The following MITD1 variants were observed in gnomAD, a reference collection of about 807,000 sequenced individuals.
MITD1 encodes MIT domain-containing protein 1.
A neutral mutation model predicts 34.9 loss-of-function variants in MITD1; 24 were observed. The ratio of observed to expected loss-of-function variants is 0.69; its 90% CI spans 0.50 to 0.97. The LOEUF (loss-of-function observed/expected upper bound fraction) is 0.97, where lower values mean the gene tolerates loss of function less well. MITD1 is among the 50% of genes least tolerant of loss of function. The pLI is 0.00. For synonymous variants in MITD1, 102 were observed against 101.4 expected, an observed-to-expected ratio of 1.01 and a Z score of -0.04; for missense variants, 266 against 294.6, an observed-to-expected ratio of 0.90 and a Z score of 0.71.
At position 99,162,045 on chromosome 2, in the gene MITD1, A is replaced by G. The variant is rs1408159711; in HGVS notation, c.*177T>C. 3 of 1,614,204 alleles carry G rather than the reference A, an allele frequency of 1.9e-6. No homozygotes were observed. The East Asian group carries it at 6.7e-5, about 36-fold the overall frequency. ...AGCTGGCTTTAAAAAAACAGTAAAA[A>G]ATGGGCTCATTTTACAGTCAATTTC... On this transcript the variant is annotated 3_prime_UTR_variant, in exon 8 of 8. Coordinates refer to the MITD1 transcript ENST00000422537.
At chr2:99,175,453 T>C (rs2093881758) in intron 1 of MITD1, among the ~76,000 whole-genome samples, 1 of 152,234 alleles carries the variant, frequency 6.6e-6, no homozygotes, top group Non-Finnish European at 1.5e-5. Context: ...GGTTTATGCA[T>C]TTTTGGCAAG....
Position 99,176,045 on chromosome 2 carries a change from A to C in MITD1, c.152-2029T>G, listed in dbSNP as rs2093884920. 3.3e-5 allele frequency among the ~76,000 whole-genome samples: 5 copies of C among 152,140 alleles called. No individual in the cohort carries two copies. The South Asian group carries it at 1.0e-3, about 32-fold the overall frequency. The stretch of plus-strand genomic sequence containing the variant: ...AACCTCTGCCTCCCAGGCACAAGGA[A>C]TCCTCCCACCTCAGCCTCCCAAGTA... On this transcript the variant is annotated intron_variant, in intron 1 of 6. Coordinates refer to ENST00000289359, the MANE Select transcript of MITD1 (RefSeq NM_138798.3).
In MITD1 at chr2:99,173,952, C is replaced by G. The variant is rs543402604; in HGVS notation, c.216G>C (p.Ala72=). 1.2e-6 allele frequency: 2 copies of G among 1,609,804 alleles called. No individual in the cohort carries two copies. Among genetic ancestry groups the G allele is most frequent in the Non-Finnish European group, 8.5e-7 (1 of 1,176,676 alleles). ...REKISKYMDR[A]ENIKKYLDQE... Reference sequence around the variant, plus strand: ...GGTCCAAGTACTTCTTTATGTTTTCCGCTCTGTCCATGTATTTGGAAATTT... The same window carrying G: ...GGTCCAAGTACTTCTTTATGTTTTCGGCTCTGTCCATGTATTTGGAAATTT... Residue 72 remains alanine, a synonymous_variant, in exon 2 of 7, where the codon GCG becomes GCC. Transcript: ENST00000289359.
intron 7 of MITD1, chr2:99,162,271 C>T: frequency 6.2e-7 from 1 of 1,612,740 alleles, no homozygotes; most frequent in African/African-American, 1.3e-5. Context: ...GGAGGAGGAA[C>T]AGTCTACCAT....
intron 7 of MITD1, chr2:99,163,005 A>C: frequency 6.2e-7 from 1 of 1,611,174 alleles, no homozygotes; most frequent in Non-Finnish European, 8.5e-7. Context: ...TATATTACTT[A>C]GAACATGTCC....
At chr2:99,164,312 C>T (rs1172395101), downstream of MITD1, among the ~76,000 whole-genome samples, 1 of 151,660 alleles carries the variant, frequency 6.6e-6, no homozygotes, top group East Asian at 1.9e-4. Context: ...TGGCCCCCCT[C>T]CTCCCCTCTC....
chr2:99,173,962 A>G lies in MITD1; in HGVS notation c.206T>C (p.Met69Thr), dbSNP rs780660798. Reference protein sequence around the residue: ...CNLREKISKYMDRAENIKKYL... With the variant: ...CNLREKISKYTDRAENIKKYL... ...CTTCTTTATGTTTTCCGCTCTGTCC[A>G]TGTATTTGGAAATTTTTTCTCTGAG... The change falls in exon 2 of 7, where the codon ATG becomes ACG. Residue 69 changes from methionine (M) to threonine (T), a missense_variant. Physicochemically the swap from Met to Thr is moderately conservative, Grantham distance 81. Coordinates refer to ENST00000289359, the MANE Select transcript of MITD1 (RefSeq NM_138798.3). 5.0e-6 allele frequency: 8 copies of G among 1,608,848 alleles called. No homozygotes were observed. Among genetic ancestry groups the G allele is most frequent in the Non-Finnish European group, 6.8e-6 (8 of 1,176,402 alleles).
exon 8 of MITD1, chr2:99,161,987 C>T: frequency 6.2e-7 from 1 of 1,606,406 alleles, no homozygotes; most frequent in Non-Finnish European, 8.5e-7. Flanking sequence ...TGAAGAATTG[C>T]TTCCAGTTAC....
At position 99,169,570 on chromosome 2, in the gene MITD1, C is replaced by A. The variant is rs761831004; in HGVS notation, c.634G>T (p.Asp212Tyr). ...CCTACCTGTGGTTTCTTAAAATAAT[C>A]AAGTCCCCTTCCAATCTTAATCATC... ...GWMIKIGRGL[D>Y]YFKKPQSRFS... Residue 212 changes from aspartate (D) to tyrosine (Y), a missense_variant, in exon 6 of 7, where the codon GAT becomes TAT. Transcript: ENST00000289359. The A allele has an allele frequency of 6.2e-7, 1 of 1,609,786 alleles. No individual in the cohort carries two copies. The highest frequency in any genetic ancestry group is 1.1e-5 in the South Asian group (1 of 90,978).
chr2:99,173,683 AG>A, intron 2 of MITD1: 1 of 554,140 alleles, frequency 1.8e-6, no homozygotes, highest in Non-Finnish European at 3.2e-6. Flanking sequence ...AGATGTTCAA[AG>A]GGGTGTCTGA....
chr2:99,169,338 C>G lies in MITD1; in HGVS notation c.*37G>C, dbSNP rs149838610. 1.6e-3 allele frequency: 1,652 copies of G among 1,061,060 alleles called. 16 individuals carry two copies. The African/African-American group carries it at 0.024, about 16-fold the overall frequency. The allele number at this position is 1,061,060 out of a possible 1,614,324, so 65.7% of individuals were successfully genotyped here. A position where few individuals can be genotyped will look rare whatever the true frequency, so the allele number is the denominator to read the frequency against. On this transcript the variant is annotated 3_prime_UTR_variant, in exon 7 of 7. Transcript: ENST00000289359. ...TCTTTTAAAAAAAATCCAATATTCA[C>G]TTAAAGTAGACATAATACAAATTAG...
At chr2:99,164,808 A>G (rs1459122066), downstream of MITD1, among the ~76,000 whole-genome samples, 1 of 152,108 alleles carries the variant, frequency 6.6e-6, no homozygotes, top group East Asian at 1.9e-4. Context: ...AAGGTTAAAA[A>G]TCCTGATATG....
chr2:99,163,128 C>A, intron 7 of MITD1: 1 of 1,160,788 alleles, frequency 8.6e-7, no homozygotes, highest in Non-Finnish European at 1.2e-6. Flanking sequence ...TAAAATGTCT[C>A]ATACTTGCAC....
chr2:99,169,953 G>C (rs1166917865), intron 5 of MITD1, among the ~76,000 whole-genome samples: 2 of 152,196 alleles, frequency 1.3e-5, no homozygotes, highest in African/African-American at 4.8e-5. Context: ...TGTGCAGGAG[G>C]AGCCCTGGAC....
chr2:99,171,509 C>CCTG lies in MITD1; in HGVS notation c.388_390dup (p.Gln130dup). The CCTG allele has an allele frequency of 6.2e-7, 1 of 1,606,544 alleles. No homozygotes were observed. Among genetic ancestry groups the CCTG allele is most frequent in the Non-Finnish European group, 8.5e-7 (1 of 1,173,498 alleles). ...CATTATATTTTAGTATGTTCACATA[C>CCTG]CTGATGAGTATGTCTAATATAAGGA... On this transcript the variant is annotated inframe_insertion and splice_region_variant. Transcript: ENST00000289359.
At chr2:99,180,722 GCTT>G (rs1303027661) in intron 1 of MITD1, 106 bp downstream of exon 1, 2 of 935,262 alleles carry the variant, frequency 2.1e-6, no homozygotes, top group Non-Finnish European at 3.4e-6. Flanking sequence ...GTATTTAACT[GCTT>G]CTTCGTGGTG....
chr2:99,171,462 T>C, intron 3 of MITD1, 33 bp from the exon 4 acceptor site: 1 of 1,597,150 alleles, frequency 6.3e-7, no homozygotes, highest in Non-Finnish European at 8.6e-7. Flanking sequence ...ATTACTAATT[T>C]AGTACATTGA....
At chr2:99,161,884 T>C (rs2093795769), downstream of MITD1, 1 of 1,323,182 alleles carries the variant, frequency 7.6e-7, no homozygotes, top group African/African-American at 1.5e-5. Context: ...TAACCGATAA[T>C]TGATAGTTAG....
At chr2:99,163,148 CA>C (rs991810211) in intron 7 of MITD1, 394 of 579,020 alleles carry the variant, frequency 6.8e-4, no homozygotes, top group Middle Eastern at 9.9e-4. Flanking sequence ...CATTGTATGT[CA>C]AAAAAAAACC....
Sources: gnomAD v4.1 joint callset for allele counts (sites outside exome capture counted in the v4.1 genomes callset) on GRCh38, gnomAD v4.1.1 for gene constraint, MANE v1.5 for transcripts, NCBI Gene and HGNC (gene_info 2026-07-23, HGNC 2026-07-21) for gene names.